Variants in CCDC102B observed in about 807,000 individuals in gnomAD.
The protein encoded by CCDC102B is coiled-coil domain-containing protein 102B.
A neutral mutation model predicts 57.4 loss-of-function variants in CCDC102B; 75 were observed. The ratio of observed to expected loss-of-function variants is 1.31; its 90% CI spans 1.08 to 1.58. The LOEUF (loss-of-function observed/expected upper bound fraction) is 1.58. Among genes scored for constraint, CCDC102B ranks in the 40% most tolerant of loss-of-function variants. The pLI is 0.00. For synonymous variants in CCDC102B, 206 were observed against 201.9 expected (o/e 1.02, Z -0.17); for missense variants, 636 against 582.6 (o/e 1.09, Z -0.94).
intron 4 of CCDC102B, among the ~76,000 whole-genome samples, chr18:68,873,461 G>A (rs2039314254): frequency 6.6e-6 from 1 of 152,170 alleles, no homozygotes; most frequent in East Asian, 1.9e-4. Flanking sequence ...TGCAATAATG[G>A]TTTAACACTC....
chr18:68,971,326 C>T (rs1261461230), intron 6 of CCDC102B, among the ~76,000 whole-genome samples: 7 of 151,948 alleles, frequency 4.6e-5, no homozygotes, highest in Non-Finnish European at 2.9e-5. Flanking sequence ...GGCTTATGTT[C>T]GAGTCTACTT....
intron 6 of CCDC102B, among the ~76,000 whole-genome samples, chr18:68,947,068 C>T (rs1413204543): frequency 1.3e-5 from 2 of 151,520 alleles, no homozygotes; most frequent in East Asian, 3.9e-4. Context: ...TGAACAATGC[C>T]CTTTACATTG....
chr18:68,995,620 C>G (rs1198720723), intron 6 of CCDC102B, among the ~76,000 whole-genome samples: 2 of 152,036 alleles, frequency 1.3e-5, no homozygotes, highest in Non-Finnish European at 2.9e-5. Context: ...GCTTTGGGAG[C>G]CTCCAACTAG....
intron 2 of CCDC102B, among the ~76,000 whole-genome samples, chr18:68,789,748 T>G (rs1599463311): frequency 7.0e-6 from 1 of 143,674 alleles, no homozygotes; most frequent in African/African-American, 2.6e-5. Context: ...TTTTTCAAAG[T>G]TTTCAACTTC....
At chr18:68,895,482 T>C (rs958491774) in intron 5 of CCDC102B, among the ~76,000 whole-genome samples, 2 of 151,812 alleles carry the variant, frequency 1.3e-5, no homozygotes, top group African/African-American at 4.8e-5. Flanking sequence ...TTTTAGAATT[T>C]AGCATGTCAT....
intron 2 of CCDC102B, among the ~76,000 whole-genome samples, chr18:68,765,257 G>A (rs1180474359): frequency 7.0e-6 from 1 of 143,300 alleles, no homozygotes; most frequent in African/African-American, 2.6e-5. Context: ...AGCTAAAGAA[G>A]GAGGAAGGAG....
chr18:69,055,280 G>A (rs927771237), downstream of CCDC102B: 4 of 477,256 alleles, frequency 8.4e-6, no homozygotes, highest in African/African-American at 4.2e-5. Flanking sequence ...TAATAGGAAC[G>A]CAGCACTGAG....
chr18:68,918,151 T>A (rs963744325), intron 6 of CCDC102B, among the ~76,000 whole-genome samples: 4 of 152,188 alleles, frequency 2.6e-5, no homozygotes, highest in Admixed American at 6.5e-5. Flanking sequence ...AATGATCTGT[T>A]CATCTGATAT....
chr18:68,721,206 A>T (rs1233707304), intron 2 of CCDC102B: 1 of 152,228 alleles, frequency 6.6e-6, no homozygotes, highest in East Asian at 1.9e-4. Flanking sequence ...TTGGAGTATA[A>T]TACATGTGCA....
intron 6 of CCDC102B, among the ~76,000 whole-genome samples, chr18:68,994,517 AC>A (rs1255428476): frequency 7.0e-6 from 1 of 142,206 alleles, no homozygotes; most frequent in Non-Finnish European, 1.5e-5. Context: ...CCCTCCTGCC[AC>A]CCCCTCCTCC....
At chr18:68,753,103 A>T (rs1181324431) in intron 2 of CCDC102B, 1 of 152,104 alleles carries the variant, frequency 6.6e-6, no homozygotes, top group Non-Finnish European at 1.5e-5. Context: ...TAGTATGTTT[A>T]TCTTATATAT....
At chr18:68,765,559 A>G (rs1157819828) in intron 2 of CCDC102B, among the ~76,000 whole-genome samples, 1 of 152,142 alleles carries the variant, frequency 6.6e-6, no homozygotes, top group Non-Finnish European at 1.5e-5. Context: ...CAAAGGGACT[A>G]TAGTAATTTT....
chr18:68,998,200 G>T, intron 6 of CCDC102B, among the ~76,000 whole-genome samples: 1 of 151,504 alleles, frequency 6.6e-6, no homozygotes, highest in African/African-American at 2.4e-5. Context: ...TATACTCTGG[G>T]ATAGAAACAA....
intron 6 of CCDC102B, among the ~76,000 whole-genome samples, chr18:68,964,787 T>C (rs1410147139): frequency 1.3e-5 from 2 of 151,948 alleles, no homozygotes; most frequent in Non-Finnish European, 2.9e-5. Flanking sequence ...CAAATTTTCT[T>C]ACTTTTGGCA....
intron 7 of CCDC102B, among the ~76,000 whole-genome samples, chr18:69,013,148 T>A (rs1237276743): frequency 1.3e-5 from 2 of 151,650 alleles, no homozygotes; most frequent in Non-Finnish European, 2.9e-5. Flanking sequence ...AGTGGAGGAG[T>A]GGATTAAAAA....
chr18:68,750,645 G>A (rs1418255128), intron 2 of CCDC102B, among the ~76,000 whole-genome samples: 1 of 152,032 alleles, frequency 6.6e-6, no homozygotes, highest in Non-Finnish European at 1.5e-5. Context: ...TCATATCTTT[G>A]TAGGGACATG....
At chr18:68,733,507 T>TAGA (rs1491296876) in intron 2 of CCDC102B, among the ~76,000 whole-genome samples, 4 of 76,178 alleles carry the variant, frequency 5.3e-5, no homozygotes, top group Non-Finnish European at 7.0e-5. Context: ...TATATATATA[T>TAGA]TTTTTTAACT....
In CCDC102B at chr18:68,963,566, A is replaced by T. The variant is rs925939663; in HGVS notation, c.1264-47368A>T. On this transcript the variant is annotated intron_variant, in intron 6 of 7. Transcript: ENST00000360242. ...CATCCATCAAGACAAGGCCTTTTACATGAGCCCCCTCCCTGGCTCCATCTG... is the reference window on the plus strand; with the variant it reads ...CATCCATCAAGACAAGGCCTTTTACTTGAGCCCCCTCCCTGGCTCCATCTG... Among the ~76,000 whole-genome samples the T allele has an allele frequency of 4.0e-5, 6 of 151,886 alleles. No individual in the cohort carries two copies. In the East Asian group the frequency reaches 1.2e-3, roughly 29 times the overall value.
At chr18:69,040,316 A>AT (rs1367383278) in intron 7 of CCDC102B, among the ~76,000 whole-genome samples, 3 of 151,198 alleles carry the variant, frequency 2.0e-5, no homozygotes, top group African/African-American at 4.9e-5. Context: ...TATTTCTTGT[A>AT]TTTTTATTTT....
Sources: gnomAD v4.1 joint callset for allele counts (sites outside exome capture counted in the v4.1 genomes callset) on GRCh38, gnomAD v4.1.1 for gene constraint, MANE v1.5 for transcripts, NCBI Gene and HGNC (gene_info 2026-07-23, HGNC 2026-07-21) for gene names.